PLCH1: variants seen among roughly 807,000 people sequenced by gnomAD.
PLCH1 encodes 1-phosphatidylinositol 4,5-bisphosphate phosphodiesterase eta-1.
In PLCH1, 60 loss-of-function variants were observed where a neutral mutation model predicts 126.7. That is an observed-to-expected ratio of 0.47 (90% CI 0.38 to 0.59). The LOEUF is 0.59. PLCH1 is among the 20% of genes least tolerant of loss of function. PLCH1 has a pLI of 0.00. For synonymous variants in PLCH1, 719 were observed against 734.9 expected (o/e 0.98, Z 0.35); for missense variants, 1,723 against 2,040.0 (o/e 0.84, Z 2.99).
At chr3:155,740,406 CA>C (rs60626575) in intron 1 of PLCH1, among the ~76,000 whole-genome samples, 39,787 of 101,818 alleles carry the variant, frequency 0.39, 5,807 homozygotes, top group African/African-American at 0.51. Context: ...GACTCTGTCT[CA>C]AAAAAAAAAA....
intron 9 of PLCH1, among the ~76,000 whole-genome samples, chr3:155,553,332 G>A (rs1032216196): frequency 5.3e-5 from 8 of 152,032 alleles, no homozygotes; most frequent in African/African-American, 1.4e-4. Flanking sequence ...GACCAGGCTG[G>A]TCTCAAACTC....
chr3:155,510,868 C>T (rs1039536315), intron 12 of PLCH1, among the ~76,000 whole-genome samples: 6 of 94,186 alleles, frequency 6.4e-5, no homozygotes, highest in Non-Finnish European at 9.6e-5. Flanking sequence ...ATCTTTGTGG[C>T]GTTCTCTGTA....
chr3:155,642,466 T>C (rs1739512548), intron 2 of PLCH1, among the ~76,000 whole-genome samples: 1 of 152,230 alleles, frequency 6.6e-6, no homozygotes, highest in Non-Finnish European at 1.5e-5. Flanking sequence ...CCAAGATATC[T>C]GATTAAACAT....
chr3:155,460,886 T>C (rs1259721376), intron 21 of PLCH1, among the ~76,000 whole-genome samples: 4 of 152,164 alleles, frequency 2.6e-5, no homozygotes, highest in African/African-American at 9.7e-5. Context: ...AACCAGGTGG[T>C]ATCCACAATT....
At chr3:155,657,072 A>G (rs921132796) in intron 2 of PLCH1, among the ~76,000 whole-genome samples, 11 of 150,922 alleles carry the variant, frequency 7.3e-5, no homozygotes, top group Non-Finnish European at 1.3e-4. Flanking sequence ...AAAAAAAAAA[A>G]GTTTCTGCAA....
chr3:155,693,461 G>C (rs1183159846), intron 2 of PLCH1, among the ~76,000 whole-genome samples: 6 of 23,958 alleles, frequency 2.5e-4, no homozygotes, highest in Admixed American at 6.5e-4. Context: ...GACAGAGCGA[G>C]ACTCCGTCTC....
In PLCH1 at chr3:155,494,178, A is replaced by G. The variant is rs751557025; in HGVS notation, c.2145T>C (p.Asn715=). Residue 715 remains asparagine (N), a synonymous_variant, in exon 17 of 23, where the codon AAT becomes AAC. Coordinates refer to ENST00000460012, the MANE Select transcript of PLCH1 (RefSeq NM_014996.4). ...GCTGGGGTTTGAGGACATAGCCACA[A>G]TTGCCATTTGCCTTGAATTTGGCTC... is the stretch of plus-strand genomic sequence containing the variant. ...LNRAKFKANG[N]CGYVLKPQQM... is the part of the protein sequence containing the mutation. 9.9e-6 allele frequency: 16 copies of G among 1,614,040 alleles called. No homozygotes were observed. In the Middle Eastern group the frequency reaches 4.9e-4, roughly 50 times the overall value.
intron 15 of PLCH1, among the ~76,000 whole-genome samples, chr3:155,494,973 A>T (rs761439298): frequency 6.6e-6 from 1 of 152,352 alleles, no homozygotes; most frequent in African/African-American, 2.4e-5. Flanking sequence ...CAAGTAAAAC[A>T]TGTATTACTA....
At chr3:155,643,596 T>C (rs1739665192) in intron 2 of PLCH1, among the ~76,000 whole-genome samples, 1 of 152,238 alleles carries the variant, frequency 6.6e-6, no homozygotes, top group Non-Finnish European at 1.5e-5. Context: ...TGCCTTGATA[T>C]CGTAACATAG....
intron 21 of PLCH1, among the ~76,000 whole-genome samples, chr3:155,462,265 C>T (rs1448108539): frequency 6.6e-6 from 1 of 152,174 alleles, no homozygotes; most frequent in Non-Finnish European, 1.5e-5. Flanking sequence ...CTCGTGGCGA[C>T]TCTGTGACCA....
chr3:155,642,379 C>T (rs1369447730), intron 2 of PLCH1, among the ~76,000 whole-genome samples: 1 of 152,182 alleles, frequency 6.6e-6, no homozygotes, highest in Non-Finnish European at 1.5e-5. Context: ...TCCACCATCA[C>T]CTTCACTGAA....
chr3:155,707,823 G>A (rs894002315), intron 1 of PLCH1, among the ~76,000 whole-genome samples: 2 of 152,154 alleles, frequency 1.3e-5, no homozygotes, highest in Admixed American at 6.5e-5. Context: ...ACACTTTCGG[G>A]ACAGAAGCAC....
intron 2 of PLCH1, among the ~76,000 whole-genome samples, chr3:155,700,855 G>A (rs955931186): frequency 6.6e-6 from 1 of 152,118 alleles, no homozygotes; most frequent in Non-Finnish European, 1.5e-5. Context: ...AAGCCATTAA[G>A]ACAGGGTTCA....
downstream of PLCH1, among the ~76,000 whole-genome samples, chr3:155,478,887 G>A (rs1171625111): frequency 6.6e-6 from 1 of 152,076 alleles, no homozygotes. Flanking sequence ...TCTTTTGGGA[G>A]GGGGGTACAT....
At chr3:155,518,020 T>C (rs1267618432) in intron 11 of PLCH1, among the ~76,000 whole-genome samples, 1 of 152,206 alleles carries the variant, frequency 6.6e-6, no homozygotes, top group Non-Finnish European at 1.5e-5. Flanking sequence ...TGGATAGTCC[T>C]GACCCCTATG....
At chr3:155,626,437 TTCC>T in intron 2 of PLCH1, among the ~76,000 whole-genome samples, 1 of 152,252 alleles carries the variant, frequency 6.6e-6, no homozygotes, top group East Asian at 1.9e-4. Flanking sequence ...AATTTCACAC[TTCC>T]TCTAATGTGG....
chr3:155,503,287 C>G (rs1718170543), intron 13 of PLCH1, among the ~76,000 whole-genome samples: 1 of 152,040 alleles, frequency 6.6e-6, no homozygotes, highest in African/African-American at 2.4e-5. Context: ...GTTTCTTTTG[C>G]CTGGTTTTGA....
At chr3:155,675,124 A>G (rs1200280963) in intron 2 of PLCH1, among the ~76,000 whole-genome samples, 2 of 152,208 alleles carry the variant, frequency 1.3e-5, no homozygotes, top group African/African-American at 4.8e-5. Flanking sequence ...AGCAAACATC[A>G]ATGCTGGTAC....
At chr3:155,618,117 T>C (rs915606476) in intron 2 of PLCH1, among the ~76,000 whole-genome samples, 4 of 152,248 alleles carry the variant, frequency 2.6e-5, no homozygotes, top group Admixed American at 6.5e-5. Context: ...AACTTATTTT[T>C]GCAAACAAAT....
Sources: gnomAD v4.1 joint callset for allele counts (sites outside exome capture counted in the v4.1 genomes callset) on GRCh38, gnomAD v4.1.1 for gene constraint, MANE v1.5 for transcripts, NCBI Gene and HGNC (gene_info 2026-07-23, HGNC 2026-07-21) for gene names.